ATXN1: variants seen among roughly 807,000 people sequenced by gnomAD.
The protein encoded by ATXN1 is ataxin-1.
A neutral mutation model predicts 56.4 loss-of-function variants in ATXN1; 8 were observed. The observed-to-expected ratio is 0.14, with a 90% CI of 0.08 to 0.26. The LOEUF is 0.26. Among genes scored for constraint, ATXN1 ranks in the 10% least tolerant of loss-of-function variants. The probability of loss-of-function intolerance (pLI) is 1.00; values close to 1 mark genes in which losing one functional copy is unlikely to be tolerated. For missense variants in ATXN1, 987 were observed against 1,106.5 expected, an observed-to-expected ratio of 0.89 and a Z score of 1.53; for synonymous variants, 514 against 494.6, an observed-to-expected ratio of 1.04 and a Z score of -0.52.
chr6:16,619,754 A>G (rs1356542908), intron 3 of ATXN1, among the ~76,000 whole-genome samples: 1 of 152,086 alleles, frequency 6.6e-6, no homozygotes, highest in African/African-American at 2.4e-5. Flanking sequence ...TTCAAATCAT[A>G]GCTCTATAGC....
intron 6 of ATXN1, among the ~76,000 whole-genome samples, chr6:16,355,162 C>T (rs1761659393): frequency 6.6e-6 from 1 of 152,206 alleles, no homozygotes; most frequent in Admixed American, 6.5e-5. Context: ...GGTCCACAGC[C>T]ATCTTCCCTT....
intron 5 of ATXN1, among the ~76,000 whole-genome samples, chr6:16,502,679 C>T (rs187522601): frequency 6.6e-6 from 1 of 152,252 alleles, no homozygotes; most frequent in East Asian, 1.9e-4. Context: ...AATTATAAAA[C>T]CTGATGTCTC....
chr6:16,626,237 T>G (rs1293947028), intron 3 of ATXN1, among the ~76,000 whole-genome samples: 1 of 152,242 alleles, frequency 6.6e-6, no homozygotes, highest in African/African-American at 2.4e-5. Context: ...AATGGTCATG[T>G]AAAGACTTGG....
intron 2 of ATXN1, among the ~76,000 whole-genome samples, chr6:16,700,224 C>A (rs1262743347): frequency 6.6e-6 from 1 of 152,142 alleles, no homozygotes; most frequent in Non-Finnish European, 1.5e-5. Flanking sequence ...GTCAAACTGG[C>A]GATCTGGACA....
At chr6:16,513,597 A>G (rs1292730612) in intron 5 of ATXN1, among the ~76,000 whole-genome samples, 3 of 152,188 alleles carry the variant, frequency 2.0e-5, no homozygotes, top group Non-Finnish European at 4.4e-5. Flanking sequence ...CTAACAGGCC[A>G]CGGTGATATT....
At chr6:16,435,280 C>A (rs1759366352) in intron 6 of ATXN1, among the ~76,000 whole-genome samples, 2 of 152,072 alleles carry the variant, frequency 1.3e-5, no homozygotes, top group Admixed American at 1.3e-4. Flanking sequence ...GATGAGAGGT[C>A]TGGCCTAGAA....
At chr6:16,523,141 C>G (rs1405101659) in intron 4 of ATXN1, among the ~76,000 whole-genome samples, 1 of 152,132 alleles carries the variant, frequency 6.6e-6, no homozygotes, top group Non-Finnish European at 1.5e-5. Flanking sequence ...GCCTCAAGCG[C>G]TCCTTCCACC....
At position 16,328,119 on chromosome 6, in the gene ATXN1, C is replaced by A; in HGVS notation, c.192G>T (p.Gly64=). ...GHGGGRHGPA[G]TSVELGLQQG... is the part of the protein sequence containing the mutation. ...GTTGTAAACCAAGCTCCACCGAGGTCCCTGCCGGCCCATGCCTCCCGCCCC... is the reference window on the plus strand; with the variant it reads ...GTTGTAAACCAAGCTCCACCGAGGTACCTGCCGGCCCATGCCTCCCGCCCC... Residue 64 remains glycine (G), a synonymous_variant, in exon 7 of 8, where the codon GGG becomes GGT. Coordinates refer to ENST00000436367, the MANE Select transcript of ATXN1 (RefSeq NM_001128164.2). This position sits in a 1 kb window ranked among gnomAD's most constrained non-coding sequence, Gnocchi z 6.2. The A allele has an allele frequency of 6.3e-7, 1 of 1,588,834 alleles. No individual in the cohort carries two copies. The highest frequency in any genetic ancestry group is 8.6e-7 in the Non-Finnish European group (1 of 1,163,444).
At chr6:16,727,554 G>C (rs999928937) in intron 2 of ATXN1, among the ~76,000 whole-genome samples, 5 of 152,112 alleles carry the variant, frequency 3.3e-5, no homozygotes, top group African/African-American at 1.2e-4. Flanking sequence ...ATTACTTAAT[G>C]AATAGACTAA....
chr6:16,740,050 T>C (rs1295122628), intron 2 of ATXN1: 1 of 306,230 alleles, frequency 3.3e-6, no homozygotes, highest in Non-Finnish European at 6.9e-6. Flanking sequence ...TAGATGGCCT[T>C]TGTCTTGTTT....
In ATXN1 at chr6:16,760,568, C is replaced by A. The variant is rs2113555959; in HGVS notation, c.-730+730G>T. Among the ~76,000 whole-genome samples the A allele has an allele frequency of 6.6e-6, 1 of 151,612 alleles. No homozygotes were observed. The highest frequency in any genetic ancestry group is 2.4e-5 in the African/African-American group (1 of 41,460). ...GGTCCCCGAGGCCACCCCTCTGCGC[C>A]CCCCGCCCGGCACCCGGCCGCGCGC... On this transcript the variant is annotated intron_variant, in intron 1 of 7. Coordinates refer to ENST00000436367, the MANE Select transcript of ATXN1 (RefSeq NM_001128164.2). The surrounding 1 kb of genome is among the most constrained non-coding windows in gnomAD (Gnocchi z 5.3).
At chr6:16,649,100 G>A (rs796665520) in intron 3 of ATXN1, among the ~76,000 whole-genome samples, 12 of 152,070 alleles carry the variant, frequency 7.9e-5, no homozygotes, top group African/African-American at 2.7e-4. Flanking sequence ...CTTGTCACAC[G>A]TACAAATGAT....
intron 2 of ATXN1, among the ~76,000 whole-genome samples, chr6:16,715,126 TC>T (rs1000360875): frequency 6.6e-6 from 1 of 152,144 alleles, no homozygotes; most frequent in African/African-American, 2.4e-5. Flanking sequence ...TTTGAACTCA[TC>T]GTCCACACTG....
chr6:16,638,333 C>A lies in ATXN1; in HGVS notation c.-489+19443G>T, dbSNP rs112369407. Among the ~76,000 whole-genome samples, 6 of 151,648 alleles carry A rather than the reference C, an allele frequency of 4.0e-5. 1 individual carries two copies. The highest frequency in any genetic ancestry group is 1.5e-4 in the African/African-American group (6 of 41,286). Reference sequence around the variant, plus strand: ...TGGTGGCATATGTATCTGCTCACAGCTACTCAGAAGGCTCAGGTGGGAGGA... The same window carrying A: ...TGGTGGCATATGTATCTGCTCACAGATACTCAGAAGGCTCAGGTGGGAGGA... On this transcript the variant is annotated intron_variant, in intron 3 of 7. Transcript: ENST00000436367.
rs57034032 is a variant in ATXN1 at position 16,687,657 on chromosome 6, TAC to T, written c.-614-29758_-614-29757del. 7.9e-3 allele frequency among the ~76,000 whole-genome samples: 1,133 copies of T among 143,370 alleles called. 17 individuals carry two copies. Among genetic ancestry groups the T allele is most frequent in the African/African-American group, 0.022 (826 of 37,932 alleles). 94.1% of individuals were successfully genotyped at this position (143,370 alleles called of 152,430 possible). A position where few individuals can be genotyped will look rare whatever the true frequency, so the allele number is the denominator to read the frequency against. On this transcript the variant is annotated intron_variant, in intron 2 of 7. Coordinates refer to ENST00000436367, the MANE Select transcript of ATXN1 (RefSeq NM_001128164.2). ...AAGCAGCCTGGAATCAAAGAAGAAA[TAC>T]ACACACACACACACACACACACACA...
intron 6 of ATXN1, among the ~76,000 whole-genome samples, chr6:16,374,657 C>T (rs1379059584): frequency 6.6e-6 from 1 of 152,158 alleles, no homozygotes; most frequent in Non-Finnish European, 1.5e-5. Context: ...CTGTGAGCAT[C>T]GTGAGGTTTG....
intron 4 of ATXN1, among the ~76,000 whole-genome samples, chr6:16,584,388 C>A (rs539925157): frequency 6.6e-6 from 1 of 150,926 alleles, no homozygotes; most frequent in Admixed American, 6.6e-5. Flanking sequence ...TATTAAATAC[C>A]TTTTTGCTCT....
At chr6:16,349,780 C>T (rs1761529844) in intron 6 of ATXN1, among the ~76,000 whole-genome samples, 1 of 152,120 alleles carries the variant, frequency 6.6e-6, no homozygotes, top group Non-Finnish European at 1.5e-5. Flanking sequence ...GCCTTGTTTG[C>T]AGAACAAATG....
At chr6:16,632,997 CA>C (rs11289596) in intron 3 of ATXN1, among the ~76,000 whole-genome samples, 79,050 of 125,760 alleles carry the variant, frequency 0.63, 21,896 homozygotes, top group African/African-American at 0.7. Context: ...AACTCCGCCT[CA>C]AAAAAAAAAA....
Sources: gnomAD v4.1 joint callset for allele counts (sites outside exome capture counted in the v4.1 genomes callset) on GRCh38, gnomAD v4.1.1 for gene constraint, Gnocchi (gnomAD v3.1) non-coding constraint, MANE v1.5 for transcripts, NCBI Gene and HGNC (gene_info 2026-07-23, HGNC 2026-07-21) for gene names.